The following PLEKHA5 variants were observed in gnomAD, a reference collection of about 807,000 sequenced individuals.
PLEKHA5 encodes pleckstrin homology domain containing A5, also known as pleckstrin homology domain-containing family A member 5.
In PLEKHA5, 55 loss-of-function variants were observed where a neutral mutation model predicts 181.9. The ratio of observed to expected loss-of-function variants is 0.30; its 90% CI spans 0.24 to 0.38. The LOEUF is 0.38. Ranked by LOEUF, PLEKHA5 falls within the 10% of genes least tolerant of loss-of-function variation. The probability of loss-of-function intolerance (pLI) is 1.00; values close to 1 mark genes in which losing one functional copy is unlikely to be tolerated. For synonymous variants in PLEKHA5, 535 were observed against 529.4 expected, an observed-to-expected ratio of 1.01 and a Z score of -0.15; for missense variants, 1,432 against 1,549.5, an observed-to-expected ratio of 0.92 and a Z score of 1.27.
At chr12:19,239,567 T>G (rs1386035076) in intron 3 of PLEKHA5, among the ~76,000 whole-genome samples, 1 of 152,242 alleles carries the variant, frequency 6.6e-6, no homozygotes. Context: ...CTGGGCCTTT[T>G]CAGAGTTTTA....
At chr12:19,150,968 C>T (rs540839153) in intron 3 of PLEKHA5, 2 of 152,306 alleles carry the variant, frequency 1.3e-5, no homozygotes, top group South Asian at 2.1e-4. Context: ...GACCAGAGAA[C>T]TCCCACAGGG....
intron 3 of PLEKHA5, among the ~76,000 whole-genome samples, chr12:19,245,683 C>T (rs1007988947): frequency 2.3e-5 from 3 of 133,314 alleles, no homozygotes; most frequent in Non-Finnish European, 3.1e-5. Flanking sequence ...GCCGAGATCA[C>T]GCCATTGCAC....
Position 19,320,009 on chromosome 12 carries a change from A to T in PLEKHA5, c.2119-12A>T. ...TCAATTAAACCCATCCTTTTCCTTC[A>T]TTATCTTTTAGTTCTTAAGACAGAA... On this transcript the variant is annotated splice_polypyrimidine_tract_variant and intron_variant, in intron 16 of 31. Transcript: ENST00000429027. 1 of 1,353,202 alleles carries T rather than the reference A, an allele frequency of 7.4e-7. No homozygotes were observed. Among genetic ancestry groups the T allele is most frequent in the Non-Finnish European group, 1.0e-6 (1 of 993,710 alleles). The allele number at this position is 1,353,202 out of a possible 1,614,324, so 83.8% of individuals were successfully genotyped here.
At position 19,130,985 on chromosome 12, in the gene PLEKHA5, G is replaced by C. The variant is rs1591752262; in HGVS notation, c.169+855G>C. 1 of 152,480 alleles carries C rather than the reference G, an allele frequency of 6.6e-6. No individual in the cohort carries two copies. The highest frequency in any genetic ancestry group is 1.9e-4 in the East Asian group (1 of 5,200). 9.4% of individuals were successfully genotyped at this position (152,480 alleles called of 1,614,324 possible). On this transcript the variant is annotated intron_variant, in intron 2 of 31. Transcript: ENST00000429027. The surrounding 1 kb of genome is among the most constrained non-coding windows in gnomAD (Gnocchi z 4.5). ...CTCTCTCGGGTGGCTTTGGGAGCTT[G>C]TTTGAATGCTAAGTGTGAGTGGAGC...
At chr12:19,219,413 G>A (rs568484314) in intron 3 of PLEKHA5, among the ~76,000 whole-genome samples, 1 of 151,444 alleles carries the variant, frequency 6.6e-6, no homozygotes, top group East Asian at 1.9e-4. Flanking sequence ...TTATTTTTGT[G>A]TTTGAATATA....
intron 29 of PLEKHA5, among the ~76,000 whole-genome samples, chr12:19,364,991 A>G (rs1240452849): frequency 6.6e-6 from 1 of 152,156 alleles, no homozygotes; most frequent in African/African-American, 2.4e-5. Flanking sequence ...ACAAAAAGAA[A>G]CAATCTGTTA....
rs142345517 is a variant in PLEKHA5 at position 19,370,074 on chromosome 12, G to C, written c.*11+276G>C. Among the ~76,000 whole-genome samples the C allele has an allele frequency of 6.6e-3, 1,013 of 152,354 alleles. 10 individuals are homozygous for C. Among genetic ancestry groups the C allele is most frequent in the African/African-American group, 0.023 (959 of 41,586 alleles). The stretch of plus-strand genomic sequence containing the variant: ...GGTATGGCCTGTGCCAAGACTTGCA[G>C]TGTTGTGCAGCTGTGCTTCTACTTA... On this transcript the variant is annotated intron_variant, in intron 31 of 31. Coordinates refer to ENST00000429027, the MANE Select transcript of PLEKHA5 (RefSeq NM_001256470.2).
intron 3 of PLEKHA5, among the ~76,000 whole-genome samples, chr12:19,179,670 A>G (rs978248767): frequency 2.0e-5 from 3 of 152,194 alleles, no homozygotes; most frequent in Non-Finnish European, 4.4e-5. Flanking sequence ...CAAAAAAGAA[A>G]AAACTAAAAC....
chr12:19,265,274 A>G (rs896068108), intron 7 of PLEKHA5, among the ~76,000 whole-genome samples: 2 of 152,346 alleles, frequency 1.3e-5, no homozygotes, highest in African/African-American at 2.4e-5. Flanking sequence ...TAGCTAAAAC[A>G]TATAGTTTGC....
intron 3 of PLEKHA5, chr12:19,200,837 CTTA>C (rs1488433443): frequency 4.9e-6 from 1 of 205,252 alleles, no homozygotes. Context: ...ACCTTAGGCC[CTTA>C]TTATCATATC....
chr12:19,311,534 G>C (rs977000195), intron 15 of PLEKHA5, among the ~76,000 whole-genome samples: 2 of 151,514 alleles, frequency 1.3e-5, no homozygotes, highest in Non-Finnish European at 2.9e-5. Context: ...TATTCTAAAT[G>C]CTTTGTTGTC....
At chr12:19,174,078 T>G (rs912883776) in intron 3 of PLEKHA5, among the ~76,000 whole-genome samples, 3 of 152,346 alleles carry the variant, frequency 2.0e-5, no homozygotes, top group South Asian at 4.1e-4. Context: ...AGAAAAGTGA[T>G]TTGTTTTTAA....
At chr12:19,340,823 C>T (rs1248204987) in intron 21 of PLEKHA5, among the ~76,000 whole-genome samples, 11 of 149,768 alleles carry the variant, frequency 7.3e-5, no homozygotes, top group Admixed American at 6.6e-5. Flanking sequence ...TGCGGAAGGC[C>T]GCAGGGTCCT....
intron 31 of PLEKHA5, chr12:19,371,055 G>A (rs1196663652): frequency 4.7e-5 from 7 of 149,230 alleles, no homozygotes; most frequent in Non-Finnish European, 1.0e-4. Context: ...CCAGGCTGGA[G>A]TGCAGTGGTG....
intron 15 of PLEKHA5, among the ~76,000 whole-genome samples, chr12:19,308,392 A>G (rs1416094284): frequency 6.6e-6 from 1 of 152,194 alleles, no homozygotes; most frequent in African/African-American, 2.4e-5. Flanking sequence ...GATATTACCT[A>G]TTTACATCAA....
At chr12:19,364,812 C>T (rs556490781) in intron 29 of PLEKHA5, among the ~76,000 whole-genome samples, 1 of 151,968 alleles carries the variant, frequency 6.6e-6, no homozygotes, top group South Asian at 2.1e-4. Context: ...TTTATAGGCG[C>T]CTGCCACTGT....
At chr12:19,347,498 G>A (rs1444017012) in intron 24 of PLEKHA5, among the ~76,000 whole-genome samples, 1 of 152,020 alleles carries the variant, frequency 6.6e-6, no homozygotes, top group Non-Finnish European at 1.5e-5. Context: ...TTGGAGGCAA[G>A]ATTATACCTT....
intron 3 of PLEKHA5, among the ~76,000 whole-genome samples, chr12:19,246,363 G>A (rs1440661717): frequency 2.0e-5 from 3 of 151,472 alleles, no homozygotes; most frequent in African/African-American, 7.3e-5. Context: ...GGTGGCTCAC[G>A]CCTGTAATCC....
chr12:19,187,148 A>G (rs995739395), intron 3 of PLEKHA5, among the ~76,000 whole-genome samples: 1 of 152,200 alleles, frequency 6.6e-6, no homozygotes, highest in South Asian at 2.1e-4. Context: ...GTGAGGTCTT[A>G]CAAATGAAGT....
Sources: allele counts gnomAD v4.1 joint callset (sites outside exome capture counted in the v4.1 genomes callset), GRCh38; gene constraint gnomAD v4.1.1; non-coding constraint Gnocchi (gnomAD v3.1); transcripts MANE v1.5; gene names NCBI Gene and HGNC (gene_info 2026-07-23, HGNC 2026-07-21).